Variants in IMPG2 observed in about 807,000 individuals in gnomAD.
The protein encoded by IMPG2 is IPM 200.
In IMPG2, 91 loss-of-function variants were observed where a neutral mutation model predicts 129.2. The observed-to-expected ratio is 0.70, with a 90% confidence interval of 0.59 to 0.84. IMPG2 has a LOEUF of 0.84. Ranked by LOEUF, IMPG2 falls within the 40% of genes least tolerant of loss-of-function variation. The probability of loss-of-function intolerance (pLI) is 0.00; values close to 1 mark genes in which losing one functional copy is unlikely to be tolerated. For synonymous variants in IMPG2, 510 were observed against 517.7 expected (o/e 0.99, Z 0.20); for missense variants, 1,430 against 1,461.7 (o/e 0.98, Z 0.35).
At chr3:101,229,782 C>T (rs368824588) in intron 16 of IMPG2, among the ~76,000 whole-genome samples, 192 bp from the exon 17 acceptor site, 2 of 152,230 alleles carry the variant, frequency 1.3e-5, no homozygotes, top group African/African-American at 4.8e-5. Context: ...GATTTCCTCA[C>T]ACCCATGGCA....
At chr3:101,251,021 A>C (rs556663096) in intron 11 of IMPG2, among the ~76,000 whole-genome samples, 2 of 152,286 alleles carry the variant, frequency 1.3e-5, no homozygotes, top group Admixed American at 1.3e-4. Flanking sequence ...AATTGTCTAA[A>C]ACTACTTCCA....
At chr3:101,237,406 T>A (rs537998989) in intron 14 of IMPG2, among the ~76,000 whole-genome samples, 1 of 152,286 alleles carries the variant, frequency 6.6e-6, no homozygotes, top group South Asian at 2.1e-4. Flanking sequence ...CCCTGACCCC[T>A]ATGTCTCCTG....
chr3:101,294,354 G>C (rs1239316694), intron 3 of IMPG2, among the ~76,000 whole-genome samples: 1 of 151,522 alleles, frequency 6.6e-6, no homozygotes, highest in Non-Finnish European at 1.5e-5. Context: ...TTGGTTTTCT[G>C]TTCCTGGGTT....
chr3:101,244,245 C>T lies in IMPG2; in HGVS notation c.2086G>A (p.Glu696Lys). The change falls in exon 13 of 19, where the codon GAA becomes AAA. Residue 696 changes from glutamate to lysine, a missense_variant. By Grantham distance (56) the Glu-to-Lys change is moderately conservative. Transcript: ENST00000193391. ...TTGGGGAGGGTTAGAGACGCAGATTCAGCTGCAGTATCTGCGAAGATGGGC... is the reference window on the plus strand; with the variant it reads ...TTGGGGAGGGTTAGAGACGCAGATTTAGCTGCAGTATCTGCGAAGATGGGC... Reference protein sequence around the residue: ...AVPIFADTAAESASLTLPKHI... With the variant: ...AVPIFADTAAKSASLTLPKHI... 6.2e-7 allele frequency: 1 copy of T among 1,613,992 alleles called. No individual in the cohort carries two copies. The highest frequency in any genetic ancestry group is 1.3e-5 in the African/African-American group (1 of 75,042).
chr3:101,229,300 A>ACCCCCCCCCCCCCCCCCCCGCGCCCCCC, intron 17 of IMPG2, 80 bp downstream of exon 17: 1 of 859,118 alleles, frequency 1.2e-6, no homozygotes, highest in East Asian at 2.9e-5. Context: ...ACTCATACAC[A>ACCCCCCCCCCCCCCCCCCCGCGCCCCCC]CCCCCACCCA....
intron 3 of IMPG2, among the ~76,000 whole-genome samples, chr3:101,293,715 G>C (rs375910745): frequency 6.6e-6 from 1 of 152,204 alleles, no homozygotes; most frequent in African/African-American, 2.4e-5. Context: ...CACATTAAAA[G>C]TCTGTTGTTC....
intron 2 of IMPG2, among the ~76,000 whole-genome samples, chr3:101,309,429 G>A (rs551769170): frequency 1.3e-5 from 2 of 152,222 alleles, no homozygotes; most frequent in Admixed American, 6.5e-5. Context: ...GGTGGAAGGG[G>A]GAGCAAACAC....
chr3:101,262,159 A>G (rs1407490140), intron 9 of IMPG2, among the ~76,000 whole-genome samples: 1 of 152,120 alleles, frequency 6.6e-6, no homozygotes. Context: ...GGAGAAACTC[A>G]GACATCTCTT....
chr3:101,280,715 G>A (rs908104743), intron 4 of IMPG2, among the ~76,000 whole-genome samples: 1 of 152,140 alleles, frequency 6.6e-6, no homozygotes, highest in Non-Finnish European at 1.5e-5. Context: ...GGAGGCCGAG[G>A]TGGACGGATC....
chr3:101,288,978 A>C (rs1706976153), intron 4 of IMPG2, among the ~76,000 whole-genome samples: 1 of 152,210 alleles, frequency 6.6e-6, no homozygotes, highest in Admixed American at 6.5e-5. Flanking sequence ...TATTAAGATT[A>C]TACTACATAC....
chr3:101,273,511 C>T, intron 7 of IMPG2, 70 bp downstream of exon 7: 1 of 1,489,002 alleles, frequency 6.7e-7, no homozygotes, highest in Non-Finnish European at 9.3e-7. Flanking sequence ...TATCTTTAAA[C>T]AGTGTTGTGA....
chr3:101,265,505 T>A (rs1706713015), intron 9 of IMPG2, among the ~76,000 whole-genome samples: 3 of 152,084 alleles, frequency 2.0e-5, no homozygotes, highest in Admixed American at 1.3e-4. Context: ...TGCAGAAGAA[T>A]GAAACTAGAC....
intron 11 of IMPG2, 130 bp from the exon 12 acceptor site, chr3:101,246,235 G>C (rs1706477108): frequency 1.3e-6 from 1 of 777,636 alleles, no homozygotes; most frequent in Admixed American, 2.9e-5. Context: ...AATAATATTA[G>C]GAGTAGGAGG....
chr3:101,224,949 G>A lies in IMPG2; in HGVS notation c.*2020C>T, dbSNP rs144012012. On this transcript the variant is annotated 3_prime_UTR_variant, in exon 19 of 19. Coordinates refer to ENST00000193391, the MANE Select transcript of IMPG2 (RefSeq NM_016247.4). Reference sequence around the variant, plus strand: ...CAACAACCCTCCTCTGGCTCAGTTCGTGCTTCTCCTAAGTGTTCTGCATGG... The same window carrying A: ...CAACAACCCTCCTCTGGCTCAGTTCATGCTTCTCCTAAGTGTTCTGCATGG... The A allele has an allele frequency of 1.8e-4, 28 of 152,302 alleles. No homozygotes were observed. Among genetic ancestry groups the A allele is most frequent in the Admixed American group, 1.2e-3 (19 of 15,300 alleles). The allele number at this position is 152,302 out of a possible 1,614,324, so 9.4% of individuals were successfully genotyped here.
intron 2 of IMPG2, 148 bp downstream of exon 2, chr3:101,319,436 T>G: frequency 1.0e-6 from 1 of 982,408 alleles, no homozygotes; most frequent in Non-Finnish European, 1.6e-6. Context: ...GAAGTTACCA[T>G]TAACACTATA....
At chr3:101,249,249 T>C (rs1006053282) in intron 11 of IMPG2, among the ~76,000 whole-genome samples, 13 of 152,222 alleles carry the variant, frequency 8.5e-5, no homozygotes, top group African/African-American at 2.9e-4. Context: ...TTCTAGATGA[T>C]TCTGTTACTG....
intron 2 of IMPG2, among the ~76,000 whole-genome samples, chr3:101,314,841 A>T (rs184386202): frequency 6.6e-6 from 1 of 152,298 alleles, no homozygotes; most frequent in East Asian, 1.9e-4. Context: ...CAGAAGACTC[A>T]ATATAGGTTG....
intron 14 of IMPG2, 150 bp from the exon 15 acceptor site, chr3:101,233,141 C>A: frequency 1.4e-6 from 1 of 731,934 alleles, no homozygotes; most frequent in Admixed American, 2.1e-5. Context: ...ATACCACACA[C>A]AAAAACTCTC....
In IMPG2 at chr3:101,244,699, T is replaced by G; in HGVS notation, c.1632A>C (p.Thr544=). The change falls in exon 13 of 19, where the codon ACA becomes ACC. Residue 544 remains threonine (T), a synonymous_variant. Coordinates refer to ENST00000193391, the MANE Select transcript of IMPG2 (RefSeq NM_016247.4). ...CATCAGAGTCTTCCATGGATGGTAT[T>G]GTTTCTTTTGGCACAGGTTGAGTGA... The part of the protein sequence containing the change: ...SSFTQPVPKE[T]IPSMEDSDVS... 1.2e-6 allele frequency: 2 copies of G among 1,614,086 alleles called. No individual in the cohort carries two copies. Among genetic ancestry groups the G allele is most frequent in the Non-Finnish European group, 1.7e-6 (2 of 1,179,932 alleles).
Sources: allele counts gnomAD v4.1 joint callset (sites outside exome capture counted in the v4.1 genomes callset), GRCh38; gene constraint gnomAD v4.1.1; transcripts MANE v1.5; gene names NCBI Gene and HGNC (gene_info 2026-07-23, HGNC 2026-07-21).